The following RORB variants were observed in gnomAD, a reference collection of about 807,000 sequenced individuals.
RORB encodes RAR related orphan receptor B.
A neutral mutation model predicts 59.1 loss-of-function variants in RORB; 6 were observed. The observed-to-expected ratio is 0.10, with a 90% CI of 0.06 to 0.20. The LOEUF is 0.20. RORB is among the 10% of genes least tolerant of loss of function. The probability of loss-of-function intolerance (pLI) is 1.00; values close to 1 mark genes in which losing one functional copy is unlikely to be tolerated. For synonymous variants in RORB, 215 were observed against 204.5 expected (o/e 1.05, Z -0.44); for missense variants, 320 against 560.5 (o/e 0.57, Z 4.33).
At chr9:74,608,493 G>A (rs1173718364) in intron 1 of RORB, among the ~76,000 whole-genome samples, 1 of 151,532 alleles carries the variant, frequency 6.6e-6, no homozygotes, top group Non-Finnish European at 1.5e-5. Flanking sequence ...GAACCCGGGA[G>A]GCGGAGCTTG....
At chr9:74,673,996 T>G (rs970753919) in intron 9 of RORB, among the ~76,000 whole-genome samples, 1 of 152,182 alleles carries the variant, frequency 6.6e-6, no homozygotes, top group African/African-American at 2.4e-5. Flanking sequence ...GGCTTCAGAT[T>G]AAGTCGCTCC....
chr9:74,680,103 A>T (rs976666329), intron 9 of RORB, among the ~76,000 whole-genome samples: 2 of 152,200 alleles, frequency 1.3e-5, no homozygotes, highest in African/African-American at 4.8e-5. Context: ...CTGTGTCTCT[A>T]AACAAATAAA....
At chr9:74,573,350 C>T (rs1822581398) in intron 1 of RORB, among the ~76,000 whole-genome samples, 1 of 151,716 alleles carries the variant, frequency 6.6e-6, no homozygotes, top group African/African-American at 2.4e-5. Context: ...TCAATTTTGG[C>T]TCCACTCTAA....
intron 1 of RORB, among the ~76,000 whole-genome samples, chr9:74,600,554 C>T (rs1823039835): frequency 6.6e-6 from 1 of 152,310 alleles, no homozygotes; most frequent in African/African-American, 2.4e-5. Flanking sequence ...ATTGTCATTT[C>T]AGATCTTCCT....
At chr9:74,547,476 C>T (rs1826518240) in intron 1 of RORB, among the ~76,000 whole-genome samples, 1 of 152,186 alleles carries the variant, frequency 6.6e-6, no homozygotes, top group Non-Finnish European at 1.5e-5. Context: ...GGAGGTTTAT[C>T]ACAGCCAATT....
intron 1 of RORB, among the ~76,000 whole-genome samples, chr9:74,531,412 C>T (rs1258101306): frequency 6.6e-6 from 1 of 151,930 alleles, no homozygotes; most frequent in Non-Finnish European, 1.5e-5. Flanking sequence ...GTATTATGCC[C>T]AAGATAAACT....
intron 9 of RORB, among the ~76,000 whole-genome samples, chr9:74,681,461 A>G (rs1048161833): frequency 6.6e-5 from 10 of 152,140 alleles, no homozygotes; most frequent in Admixed American, 6.5e-4. Flanking sequence ...CTATTCCAAG[A>G]GCATGGACGC....
At chr9:74,565,563 A>T (rs1287108942) in intron 1 of RORB, among the ~76,000 whole-genome samples, 1 of 152,200 alleles carries the variant, frequency 6.6e-6, no homozygotes, top group Non-Finnish European at 1.5e-5. Flanking sequence ...TGATAAGTAG[A>T]CGTGTGACCC....
chr9:74,665,355 T>C (rs1009024460), intron 6 of RORB, 133 bp from the exon 7 acceptor site: 2 of 447,530 alleles, frequency 4.5e-6, no homozygotes, highest in African/African-American at 4.0e-5. Flanking sequence ...TGTGCCTGTG[T>C]GTGTGTGTAT....
At chr9:74,573,678 G>A (rs1406435474) in intron 1 of RORB, among the ~76,000 whole-genome samples, 1 of 151,980 alleles carries the variant, frequency 6.6e-6, no homozygotes, top group African/African-American at 2.4e-5. Flanking sequence ...ACTCCTTTTG[G>A]TTGCTTCTCA....
At chr9:74,640,030 T>C (rs1181468514) in intron 3 of RORB, among the ~76,000 whole-genome samples, 1 of 152,178 alleles carries the variant, frequency 6.6e-6, no homozygotes, top group Non-Finnish European at 1.5e-5. Context: ...ATAAAGGTAG[T>C]GTCTCTACAA....
intron 1 of RORB, among the ~76,000 whole-genome samples, chr9:74,616,035 T>G (rs1009545876): frequency 1.3e-5 from 2 of 152,206 alleles, no homozygotes; most frequent in Non-Finnish European, 2.9e-5. Context: ...AAAAATCTAT[T>G]TGATTTATAT....
At chr9:74,648,886 G>T (rs1415214543) in intron 4 of RORB, among the ~76,000 whole-genome samples, 1 of 152,016 alleles carries the variant, frequency 6.6e-6, no homozygotes, top group East Asian at 1.9e-4. Flanking sequence ...AAACGCACCT[G>T]TCCTCCCTAG....
chr9:74,635,418 G>C (rs1248353126), intron 3 of RORB, among the ~76,000 whole-genome samples: 2 of 152,164 alleles, frequency 1.3e-5, no homozygotes, highest in African/African-American at 2.4e-5. Context: ...GGCTTCCCAA[G>C]GGAACATCTT....
chr9:74,670,714 T>C (rs1006898747), intron 8 of RORB, among the ~76,000 whole-genome samples: 17 of 152,178 alleles, frequency 1.1e-4, no homozygotes, highest in African/African-American at 3.9e-4. Flanking sequence ...GACAGCCCCC[T>C]ATTCTTTCTC....
chr9:74,617,261 A>G (rs1446796760), intron 1 of RORB, among the ~76,000 whole-genome samples: 1 of 152,230 alleles, frequency 6.6e-6, no homozygotes, highest in Admixed American at 6.5e-5. Context: ...TCTCCATTCA[A>G]ATATTACTAT....
rs142026789 is a variant in RORB, at chr9:74,520,462, ATC to A, written c.7+22481_7+22482del. ...TAGGATCGTTTACCTACTCCTCTTC[ATC>A]TGTTTCCTCACCTGTCCAATATGAT... On this transcript the variant is annotated intron_variant, in intron 1 of 9. Coordinates refer to ENST00000376896, the MANE Select transcript of RORB (RefSeq NM_006914.4). Among the ~76,000 whole-genome samples, 818 of 151,962 alleles carry A rather than the reference ATC, an allele frequency of 5.4e-3. 6 individuals carry two copies. The highest frequency in any genetic ancestry group is 0.019 in the African/African-American group (781 of 41,488).
intron 9 of RORB, among the ~76,000 whole-genome samples, chr9:74,677,791 A>G (rs1442819912): frequency 6.6e-6 from 1 of 152,232 alleles, no homozygotes; most frequent in Admixed American, 6.5e-5. Flanking sequence ...CTGTATTAAT[A>G]CAACATCATA....
chr9:74,520,176 C>T (rs1024229790), intron 1 of RORB, among the ~76,000 whole-genome samples: 1 of 151,804 alleles, frequency 6.6e-6, no homozygotes, highest in Non-Finnish European at 1.5e-5. Flanking sequence ...CTTAACCAGA[C>T]AATCAGTGGG....
Sources: gnomAD v4.1 joint callset for allele counts (sites outside exome capture counted in the v4.1 genomes callset) on GRCh38, gnomAD v4.1.1 for gene constraint, MANE v1.5 for transcripts, NCBI Gene and HGNC (gene_info 2026-07-23, HGNC 2026-07-21) for gene names.